The following KANSL1 variants were observed in gnomAD, a reference collection of about 807,000 sequenced individuals.
KANSL1 encodes MLL1/MLL complex subunit KANSL1.
KANSL1 carries 22 observed loss-of-function variants against 103.6 expected under a neutral mutation model. That is an observed-to-expected ratio of 0.21 (90% CI 0.15 to 0.30). KANSL1 has a LOEUF of 0.30. KANSL1 is among the 10% of genes least tolerant of loss of function. The pLI is 1.00. For synonymous variants in KANSL1, 600 were observed against 527.6 expected, an observed-to-expected ratio of 1.14 and a Z score of -1.88; for missense variants, 1,337 against 1,399.8, an observed-to-expected ratio of 0.96 and a Z score of 0.72.
At chr17:46,225,067 G>A (rs1302893716), upstream of KANSL1, among the ~76,000 whole-genome samples, 2 of 151,654 alleles carry the variant, frequency 1.3e-5, no homozygotes, top group East Asian at 3.9e-4. Context: ...AGGCCAGTCG[G>A]CCGGCAGCCG....
upstream of KANSL1, among the ~76,000 whole-genome samples, chr17:46,195,454 C>G (rs191479645): frequency 5.1e-4 from 78 of 152,392 alleles, no homozygotes; most frequent in African/African-American, 1.9e-3. Flanking sequence ...TCCCCTTTCT[C>G]TCATTGCTTA....
intron 5 of KANSL1, among the ~76,000 whole-genome samples, 161 bp from the exon 6 acceptor site, chr17:46,066,893 T>C (rs754664159): frequency 2.4e-4 from 36 of 152,248 alleles, no homozygotes; most frequent in South Asian, 4.1e-4. Context: ...AGGTCTCCTC[T>C]TGATGTCTGT....
chr17:46,189,353 A>T (rs1414178393), intron 1 of KANSL1, among the ~76,000 whole-genome samples: 1 of 152,174 alleles, frequency 6.6e-6, no homozygotes, highest in Non-Finnish European at 1.5e-5. Flanking sequence ...TGGAACGGAG[A>T]GGTCCTTTGT....
Position 46,171,145 on chromosome 17 carries a change from T to C in KANSL1, c.999A>G (p.Pro333=), listed in dbSNP as rs768902865. The stretch of plus-strand genomic sequence containing the variant: ...TCCGTGGTCTCAAGGATTCCAAGTT[T>C]GGCAGTTTGCTCAAAGTCTTCTCCA... The part of the protein sequence containing the change: ...GFLEKTLSKL[P]NLESLRPRSQ... The change falls in exon 2 of 15, where the codon CCA becomes CCG. Residue 333 remains proline (P), a synonymous_variant. Coordinates refer to ENST00000432791, the MANE Select transcript of KANSL1 (RefSeq NM_015443.4). 2.5e-6 allele frequency: 4 copies of C among 1,614,096 alleles called. No individual in the cohort carries two copies. The Admixed American group carries it at 5.0e-5, about 20-fold the overall frequency.
chr17:46,219,589 ACTC>A (rs1188473566), intron 1 of KANSL1, among the ~76,000 whole-genome samples: 1 of 152,134 alleles, frequency 6.6e-6, no homozygotes, highest in Non-Finnish European at 1.5e-5. Flanking sequence ...CTGTTCTCAA[ACTC>A]GTGTGCTCCA....
intron 1 of KANSL1, among the ~76,000 whole-genome samples, chr17:46,179,688 T>G (rs1160056792): frequency 6.6e-6 from 1 of 152,176 alleles, no homozygotes; most frequent in Non-Finnish European, 1.5e-5. Context: ...GACAAGAGAA[T>G]GGTAATGTGG....
chr17:46,077,184 G>A (rs1474296993), intron 4 of KANSL1, among the ~76,000 whole-genome samples: 1 of 151,990 alleles, frequency 6.6e-6, no homozygotes, highest in East Asian at 1.9e-4. Flanking sequence ...CCAGAGTAGT[G>A]AGGACTACAG....
rs2077902959 is a variant in KANSL1, at chr17:46,055,764, T to C, written c.1849-5060A>G. On this transcript the variant is annotated intron_variant, in intron 6 of 14. Transcript: ENST00000432791. ...TGTTTTATAGTTACAGTAATTAAAA[T>C]AATCTGCCCTCGGTTAAGAAACAGA... is the stretch of plus-strand genomic sequence containing the variant. Among the ~76,000 whole-genome samples, 2 of 152,144 alleles carry C rather than the reference T, an allele frequency of 1.3e-5. 1 individual carries two copies. The highest frequency in any genetic ancestry group is 4.1e-4 in the South Asian group (2 of 4,838).
At chr17:46,199,753 AC>A (rs1376293085) in intron 1 of KANSL1, among the ~76,000 whole-genome samples, 3 of 152,254 alleles carry the variant, frequency 2.0e-5, no homozygotes, top group African/African-American at 7.2e-5. Flanking sequence ...AGTAATGAGA[AC>A]AATACTGTTG....
chr17:46,052,324 T>A (rs1284001264), intron 6 of KANSL1, among the ~76,000 whole-genome samples: 1 of 152,186 alleles, frequency 6.6e-6, no homozygotes, highest in Non-Finnish European at 1.5e-5. Flanking sequence ...ACACTACATT[T>A]TATGGCTAGA....
upstream of KANSL1, among the ~76,000 whole-genome samples, chr17:46,225,107 C>T (rs2048645151): frequency 6.6e-6 from 1 of 151,790 alleles, no homozygotes; most frequent in Admixed American, 6.6e-5. Context: ...GGGCGCTGGG[C>T]GGGGGTCCCC....
intron 1 of KANSL1, among the ~76,000 whole-genome samples, chr17:46,210,842 G>A (rs2048146182): frequency 6.6e-6 from 1 of 152,186 alleles, no homozygotes; most frequent in African/African-American, 2.4e-5. Flanking sequence ...GAATGCTTTG[G>A]CAAGTATAAA....
At chr17:46,116,251 C>T (rs936341231) in intron 2 of KANSL1, among the ~76,000 whole-genome samples, 10 of 152,210 alleles carry the variant, frequency 6.6e-5, no homozygotes, top group African/African-American at 1.9e-4. Flanking sequence ...ACCATTACTG[C>T]GGGGCGCAGT....
At position 46,171,817 on chromosome 17, in the gene KANSL1, T is replaced by C. The variant is rs749575109; in HGVS notation, c.327A>G (p.Lys109=). 14 of 1,613,988 alleles carry C rather than the reference T, an allele frequency of 8.7e-6. No individual in the cohort carries two copies. The highest frequency in any genetic ancestry group is 4.4e-5 in the South Asian group (4 of 91,088). ...QGVFSKQTVL[K]SHPLLSQSYE... is the part of the protein sequence containing the mutation. The stretch of plus-strand genomic sequence containing the variant: ...AGGACTGAGATAAGAGAGGATGAGA[T>C]TTAAGGACTGTCTGCTTGCTGAAGA... The change falls in exon 2 of 15, where the codon AAA becomes AAG. Residue 109 remains lysine (K), a synonymous_variant. Coordinates refer to ENST00000432791, the MANE Select transcript of KANSL1 (RefSeq NM_015443.4).
chr17:46,117,624 T>C (rs2147158749), intron 2 of KANSL1, among the ~76,000 whole-genome samples: 1 of 152,304 alleles, frequency 6.6e-6, no homozygotes, highest in South Asian at 2.1e-4. Context: ...TCTATCTAAT[T>C]CCAATGAAAA....
At chr17:46,036,539 C>T (rs1450217056) in intron 10 of KANSL1, among the ~76,000 whole-genome samples, 2 of 152,140 alleles carry the variant, frequency 1.3e-5, no homozygotes, top group Admixed American at 1.3e-4. Flanking sequence ...TATCAGTAAT[C>T]TGGAGATGAT....
intron 2 of KANSL1, among the ~76,000 whole-genome samples, chr17:46,151,334 G>A (rs1229353834): frequency 6.6e-6 from 1 of 152,162 alleles, no homozygotes; most frequent in African/African-American, 2.4e-5. Context: ...CTTTGCAAGT[G>A]TTCTCTACAC....
Position 46,052,963 on chromosome 17 carries a change from C to CAAAAAAAAAAAAAAA in KANSL1, c.1849-2260_1849-2259insTTTTTTTTTTTTTTT, listed in dbSNP as rs2077769956. 1.2e-4 allele frequency among the ~76,000 whole-genome samples: 5 copies of CAAAAAAAAAAAAAAA among 43,162 alleles called. 1 individual carries two copies. Among genetic ancestry groups the CAAAAAAAAAAAAAAA allele is most frequent in the African/African-American group, 5.1e-4 (5 of 9,826 alleles). 28.3% of individuals were successfully genotyped at this position (43,162 alleles called of 152,430 possible). On this transcript the variant is annotated intron_variant, in intron 6 of 14. Transcript: ENST00000432791. ...TGGGAAAAAGAGTAAGATCCTGTCT[C>CAAAAAAAAAAAAAAA]CAAAAAAAAAAAAAAAAAAAAAAAA...
At chr17:46,134,879 T>C (rs889400485) in intron 2 of KANSL1, among the ~76,000 whole-genome samples, 1 of 151,692 alleles carries the variant, frequency 6.6e-6, no homozygotes, top group Non-Finnish European at 1.5e-5. Flanking sequence ...GGCGGAAGAA[T>C]AGAGATAGGA....
Sources: gnomAD v4.1 joint callset for allele counts (sites outside exome capture counted in the v4.1 genomes callset) on GRCh38, gnomAD v4.1.1 for gene constraint, MANE v1.5 for transcripts, NCBI Gene and HGNC (gene_info 2026-07-23, HGNC 2026-07-21) for gene names.